PTPRZ1: variants seen among roughly 807,000 people sequenced by gnomAD.
PTPRZ1 encodes the protein receptor-type tyrosine-protein phosphatase zeta.
Under a neutral mutation model 214.1 loss-of-function variants are expected in PTPRZ1, and 82 were observed. That is an observed-to-expected ratio of 0.38 (90% CI 0.32 to 0.46). The LOEUF is 0.46. Among genes scored for constraint, PTPRZ1 ranks in the 20% least tolerant of loss-of-function variants. The pLI, the probability that PTPRZ1 is intolerant of heterozygous loss-of-function variation, is 1.00. For synonymous variants in PTPRZ1, 945 were observed against 987.9 expected (o/e 0.96, Z 0.81); for missense variants, 2,603 against 2,748.7 (o/e 0.95, Z 1.19).
intron 29 of PTPRZ1, among the ~76,000 whole-genome samples, chr7:122,060,309 G>A (rs1405706264): frequency 2.0e-5 from 3 of 152,112 alleles, no homozygotes; most frequent in African/African-American, 4.8e-5. Context: ...ATTCGGGGCC[G>A]CTGAGTTGTA....
chr7:122,003,403 A>G (rs2116631941), intron 10 of PTPRZ1, among the ~76,000 whole-genome samples: 1 of 152,318 alleles, frequency 6.6e-6, no homozygotes, highest in Admixed American at 6.5e-5. Flanking sequence ...CTTGGAAGCT[A>G]GGCATGCTTA....
intron 4 of PTPRZ1, 142 bp downstream of exon 4, chr7:121,972,834 A>G (rs1797299544): frequency 4.3e-6 from 3 of 690,316 alleles, no homozygotes; most frequent in Admixed American, 4.0e-5. Context: ...ATACTAGACT[A>G]AGCTAAATTA....
chr7:121,979,793 TGAAGCAGG>T (rs1450851359), intron 6 of PTPRZ1, among the ~76,000 whole-genome samples: 1 of 152,190 alleles, frequency 6.6e-6, no homozygotes, highest in East Asian at 1.9e-4. Context: ...GTTACTTGGA[TGAAGCAGG>T]TGTTTTTTTC....
chr7:121,978,680 A>G (rs897073066), intron 6 of PTPRZ1, among the ~76,000 whole-genome samples: 2 of 152,194 alleles, frequency 1.3e-5, no homozygotes, highest in Admixed American at 1.3e-4. Flanking sequence ...AGATTTGGGC[A>G]GGGACACAGA....
intron 12 of PTPRZ1, among the ~76,000 whole-genome samples, chr7:122,015,236 CTATT>C (rs1474661890): frequency 6.6e-6 from 1 of 152,044 alleles, no homozygotes; most frequent in Non-Finnish European, 1.5e-5. Context: ...AATAATGAAA[CTATT>C]TAAATCTTAA....
chr7:121,955,211 G>A lies in PTPRZ1; in HGVS notation c.125-12740G>A, dbSNP rs534923622. Among the ~76,000 whole-genome samples, 4 of 152,302 alleles carry A rather than the reference G, an allele frequency of 2.6e-5. No homozygotes were observed. In the South Asian group the frequency reaches 6.2e-4, roughly 24 times the overall value. ...AATAAGTATGTGGATAATAAGCATC[G>A]AGTACAGCCCTGATGGTAGTGTCAC... On this transcript the variant is annotated intron_variant, in intron 2 of 29. Coordinates refer to ENST00000393386, the MANE Select transcript of PTPRZ1 (RefSeq NM_002851.3).
intron 8 of PTPRZ1, among the ~76,000 whole-genome samples, chr7:121,993,561 C>A (rs373940244): frequency 1.1e-4 from 12 of 113,358 alleles, no homozygotes; most frequent in African/African-American, 3.5e-4. Flanking sequence ...GATGACAGAG[C>A]GAGACTGTCT....
intron 3 of PTPRZ1, among the ~76,000 whole-genome samples, chr7:121,970,023 A>T (rs1182960643): frequency 1.4e-5 from 2 of 140,086 alleles, no homozygotes; most frequent in Non-Finnish European, 3.0e-5. Context: ...CATTGTTCAA[A>T]TCCCACCTAT....
chr7:122,038,296 A>G (rs954240488), intron 18 of PTPRZ1, among the ~76,000 whole-genome samples: 9 of 152,158 alleles, frequency 5.9e-5, no homozygotes, highest in Admixed American at 6.5e-5. Flanking sequence ...AATGATTAGC[A>G]CTTCTCAGCA....
intron 4 of PTPRZ1, among the ~76,000 whole-genome samples, chr7:121,975,372 G>T (rs1797398993): frequency 6.6e-6 from 1 of 152,110 alleles, no homozygotes; most frequent in South Asian, 2.1e-4. Context: ...CTTCTGACTT[G>T]AACACATGCC....
chr7:121,930,610 T>G (rs938712648), intron 2 of PTPRZ1, among the ~76,000 whole-genome samples: 1 of 152,188 alleles, frequency 6.6e-6, no homozygotes, highest in African/African-American at 2.4e-5. Flanking sequence ...TCTAGTCAAT[T>G]TGATTAGTCA....
rs1798750585 is a variant in PTPRZ1, at chr7:122,013,610, A to G, written c.4564A>G (p.Asn1522Asp). The G allele has an allele frequency of 6.2e-7, 1 of 1,614,192 alleles. No homozygotes were observed. The part of the protein sequence containing the change: ...SQKHNDGKEE[N>D]DIQTGSALLP... The stretch of plus-strand genomic sequence containing the variant: ...AAAGCACAATGATGGAAAAGAGGAA[A>G]ATGACATTCAGACTGGTAGTGCTCT... The change falls in exon 12 of 30, where the codon AAT becomes GAT. Residue 1522 changes from asparagine to aspartate, a missense_variant. Asn to Asp is a conservative substitution (Grantham distance 23, BLOSUM62 1). This residue lies in a region of PTPRZ1 where 1,913 missense variants were observed against 1,914.3 expected (regional missense o/e 1.00). Transcript: ENST00000393386.
chr7:122,051,804 G>C, intron 24 of PTPRZ1, 62 bp from the exon 25 acceptor site: 1 of 1,407,826 alleles, frequency 7.1e-7, no homozygotes, highest in Non-Finnish European at 1.0e-6. Context: ...AGTGCTGTGA[G>C]CATGAGTTGT....
chr7:121,926,302 C>CAAAAAA (rs34447356), intron 1 of PTPRZ1, among the ~76,000 whole-genome samples: 5 of 130,538 alleles, frequency 3.8e-5, no homozygotes, highest in South Asian at 2.5e-4. Context: ...AAGATTCTGT[C>CAAAAAA]AAAAAAAAAA....
At position 121,963,155 on chromosome 7, in the gene PTPRZ1, T is replaced by C. The variant is rs1325274253; in HGVS notation, c.125-4796T>C. Among the ~76,000 whole-genome samples the C allele has an allele frequency of 6.6e-5, 10 of 152,338 alleles. No individual in the cohort carries two copies. The East Asian group carries it at 1.9e-3, about 29-fold the overall frequency. ...ACAGCTGAAGTGATACCTCAGTTCT[T>C]CTTGGTTTAAAATAGTTTAAACAAG... On this transcript the variant is annotated intron_variant, in intron 2 of 29. Coordinates refer to ENST00000393386, the MANE Select transcript of PTPRZ1 (RefSeq NM_002851.3).
At chr7:121,982,636 A>T (rs533140040) in intron 6 of PTPRZ1, among the ~76,000 whole-genome samples, 2 of 152,304 alleles carry the variant, frequency 1.3e-5, no homozygotes, top group East Asian at 3.9e-4. Context: ...TTCCTATTTT[A>T]AATCATATTG....
intron 8 of PTPRZ1, among the ~76,000 whole-genome samples, chr7:121,991,845 G>T (rs1023238179): frequency 1.3e-5 from 2 of 152,166 alleles, no homozygotes; most frequent in Non-Finnish European, 2.9e-5. Context: ...CAGCATTTGT[G>T]TCAATGTTTA....
intron 2 of PTPRZ1, among the ~76,000 whole-genome samples, chr7:121,933,945 T>C (rs1013277876): frequency 2.6e-5 from 4 of 152,176 alleles, no homozygotes; most frequent in African/African-American, 9.6e-5. Flanking sequence ...TAATTTCCAA[T>C]TGAGCAGTAG....
chr7:121,903,432 C>A (rs2116273624), intron 1 of PTPRZ1, among the ~76,000 whole-genome samples: 1 of 152,218 alleles, frequency 6.6e-6, no homozygotes, highest in Admixed American at 6.5e-5. Flanking sequence ...GTTGGTAAAG[C>A]ACTAGATTTT....
Sources: allele counts gnomAD v4.1 joint callset (sites outside exome capture counted in the v4.1 genomes callset), GRCh38; gene constraint gnomAD v4.1.1; regional missense constraint gnomAD v4.1.1; transcripts MANE v1.5; gene names NCBI Gene and HGNC (gene_info 2026-07-23, HGNC 2026-07-21).